The following SPMIP11 variants were observed in gnomAD, a reference collection of about 807,000 sequenced individuals.
SPMIP11 encodes the protein long intergenic non-protein coding RNA 935.
the SPMIP11 span, among the ~76,000 whole-genome samples, chr12:48,760,147 G>T: frequency 1.8e-4 from 27 of 152,060 alleles, no homozygotes; most frequent in Admixed American, 1.7e-3. Flanking sequence ...TTGAGTCCTA[G>T]TTCTGCCTCT....
the SPMIP11 span, among the ~76,000 whole-genome samples, chr12:48,736,417 A>C: frequency 3.3e-5 from 5 of 150,706 alleles, no homozygotes; most frequent in South Asian, 1.0e-3. Context: ...CTGTCTCAAA[A>C]AAAAAAAAAA....
chr12:48,765,715 G>A, the SPMIP11 span: 1 of 701,468 alleles, frequency 1.4e-6, no homozygotes, highest in South Asian at 1.5e-5. Flanking sequence ...GGGGAAAGAA[G>A]GAGGTTTCCC....
the SPMIP11 span, among the ~76,000 whole-genome samples, chr12:48,751,695 T>C: frequency 6.6e-6 from 1 of 152,162 alleles, no homozygotes; most frequent in Admixed American, 6.5e-5. Context: ...TGCCTCAGTT[T>C]CCTCACCTAT....
the SPMIP11 span, chr12:48,727,677 A>G: frequency 3.2e-6 from 2 of 626,456 alleles, no homozygotes; most frequent in Admixed American, 2.4e-5. Flanking sequence ...TCCAAGGCCA[A>G]CAGTTACACT....
At chr12:48,769,780 G>A in the SPMIP11 span, among the ~76,000 whole-genome samples, 2 of 147,938 alleles carry the variant, frequency 1.4e-5, no homozygotes, top group African/African-American at 5.0e-5. Flanking sequence ...TTTTTTGGGG[G>A]GGACAGAGTC....
At chr12:48,728,552 C>G in the SPMIP11 span, among the ~76,000 whole-genome samples, 1 of 151,938 alleles carries the variant, frequency 6.6e-6, no homozygotes, top group Non-Finnish European at 1.5e-5. Context: ...ACTAAAAATA[C>G]AAACAATTAG....
chr12:48,734,728 G>A, the SPMIP11 span, among the ~76,000 whole-genome samples: 5 of 152,020 alleles, frequency 3.3e-5, no homozygotes, highest in African/African-American at 4.8e-5. Flanking sequence ...TTGGCCAGGC[G>A]CAGTGGCTCA....
the SPMIP11 span, among the ~76,000 whole-genome samples, chr12:48,758,279 C>T: frequency 6.6e-6 from 1 of 152,190 alleles, no homozygotes; most frequent in African/African-American, 2.4e-5. Context: ...AGAAGCAATG[C>T]TCAGAATCAT....
At chr12:48,730,068 CT>C in the SPMIP11 span, among the ~76,000 whole-genome samples, 1 of 152,122 alleles carries the variant, frequency 6.6e-6, no homozygotes, top group Non-Finnish European at 1.5e-5. Context: ...CTACCTACCC[CT>C]ACTAGATAGA....
chr12:48,769,775 T>TTG, the SPMIP11 span, among the ~76,000 whole-genome samples: 6 of 147,842 alleles, frequency 4.1e-5, no homozygotes, highest in Non-Finnish European at 7.5e-5. Context: ...TTTTTTTTTT[T>TTG]GGGGGGGACA....
the SPMIP11 span, among the ~76,000 whole-genome samples, chr12:48,731,000 C>T: frequency 6.6e-6 from 1 of 152,128 alleles, no homozygotes; most frequent in Non-Finnish European, 1.5e-5. Flanking sequence ...TATGCAAGAC[C>T]ACAGCAATAG....
the SPMIP11 span, among the ~76,000 whole-genome samples, chr12:48,743,933 CAAAAAAAAAA>C: frequency 8.6e-5 from 3 of 34,870 alleles, no homozygotes; most frequent in South Asian, 3.1e-3. Context: ...GACTTCGTCT[CAAAAAAAAAA>C]AAAAAAAAAA....
At chr12:48,768,948 C>T in the SPMIP11 span, 5 of 1,611,774 alleles carry the variant, frequency 3.1e-6, no homozygotes, top group South Asian at 1.1e-5. Flanking sequence ...TGGATTCGGT[C>T]GGGGACCCCC....
chr12:48,761,311 C>T, the SPMIP11 span, among the ~76,000 whole-genome samples: 1 of 152,014 alleles, frequency 6.6e-6, no homozygotes, highest in Admixed American at 6.6e-5. Context: ...GTTAGCCGGG[C>T]ATAGTGGCAG....
At chr12:48,737,820 T>G in the SPMIP11 span, among the ~76,000 whole-genome samples, 99 of 152,166 alleles carry the variant, frequency 6.5e-4, no homozygotes, top group Non-Finnish European at 9.1e-4. Context: ...ATTATTATCA[T>G]TATTATTAAT....
At chr12:48,744,156 G>A in the SPMIP11 span, among the ~76,000 whole-genome samples, 23 of 151,212 alleles carry the variant, frequency 1.5e-4, no homozygotes, top group Non-Finnish European at 3.1e-4. Flanking sequence ...GCCGAGGCAG[G>A]AGAATCGCTT....
chr12:48,755,956 C>A, the SPMIP11 span, among the ~76,000 whole-genome samples: 15 of 148,292 alleles, frequency 1.0e-4, no homozygotes, highest in African/African-American at 3.5e-4. Flanking sequence ...CAGCTCACTG[C>A]AAGCTCGGCC....
the SPMIP11 span, among the ~76,000 whole-genome samples, chr12:48,759,812 A>T: frequency 6.6e-6 from 1 of 152,044 alleles, no homozygotes; most frequent in Non-Finnish European, 1.5e-5. Flanking sequence ...AAATGAAAAA[A>T]AAAATTTTTT....
At chr12:48,762,234 A>G in the SPMIP11 span, among the ~76,000 whole-genome samples, 25 of 136,610 alleles carry the variant, frequency 1.8e-4, no homozygotes, top group African/African-American at 7.0e-4. Context: ...AATTTTTTGT[A>G]TTTTTAGTAG....
Sources: allele counts gnomAD v4.1 joint callset (sites outside exome capture counted in the v4.1 genomes callset), GRCh38; gene constraint gnomAD v4.1.1; transcripts MANE v1.5; gene names NCBI Gene and HGNC (gene_info 2026-07-23, HGNC 2026-07-21).